PDS5A: variants seen among roughly 807,000 people sequenced by gnomAD.
The protein encoded by PDS5A is PDS5 cohesin associated factor A, also known as sister chromatid cohesion protein PDS5 homolog A.
A neutral mutation model predicts 167.1 loss-of-function variants in PDS5A; 42 were observed. The ratio of observed to expected loss-of-function variants is 0.25; its 90% CI spans 0.20 to 0.33. PDS5A has a LOEUF of 0.33. PDS5A is among the 10% of genes least tolerant of loss of function. The pLI is 1.00. For synonymous variants in PDS5A, 553 were observed against 554.6 expected (o/e 1.00, Z 0.04); for missense variants, 1,033 against 1,605.9 (o/e 0.64, Z 6.10).
chr4:39,961,621 AGAGCTCAAGT>A (rs1398931051), intron 2 of PDS5A, among the ~76,000 whole-genome samples: 1 of 152,096 alleles, frequency 6.6e-6, no homozygotes, highest in Non-Finnish European at 1.5e-5. Context: ...CTGGAACTAC[AGAGCTCAAGT>A]GATCCTCTTG....
intron 2 of PDS5A, among the ~76,000 whole-genome samples, chr4:39,972,738 C>T (rs892777945): frequency 2.0e-5 from 3 of 151,474 alleles, no homozygotes; most frequent in Non-Finnish European, 2.9e-5. Flanking sequence ...ATCCAAATTA[C>T]GCTTCCTTGC....
At chr4:39,885,943 A>G (rs1216565590) in intron 17 of PDS5A, among the ~76,000 whole-genome samples, 1 of 152,174 alleles carries the variant, frequency 6.6e-6, no homozygotes, top group Non-Finnish European at 1.5e-5. Context: ...TGACAGAGCA[A>G]GACCTTGTCT....
intron 8 of PDS5A, among the ~76,000 whole-genome samples, chr4:39,916,334 T>C (rs779339079): frequency 6.6e-6 from 1 of 152,166 alleles, no homozygotes; most frequent in Non-Finnish European, 1.5e-5. Flanking sequence ...AAAATAGATA[T>C]ACTATTTTTA....
chr4:39,929,982 G>A (rs1448587581), intron 2 of PDS5A, among the ~76,000 whole-genome samples: 7 of 150,552 alleles, frequency 4.6e-5, no homozygotes, highest in East Asian at 2.0e-4. Context: ...TTGGGAGGCC[G>A]AGGCGGGCAG....
chr4:39,940,411 A>C (rs1727114201), intron 2 of PDS5A, among the ~76,000 whole-genome samples: 1 of 152,102 alleles, frequency 6.6e-6, no homozygotes, highest in African/African-American at 2.4e-5. Flanking sequence ...TTATACGTAT[A>C]TTCACTTTGT....
intron 17 of PDS5A, among the ~76,000 whole-genome samples, chr4:39,882,533 A>G (rs1226581568): frequency 6.6e-6 from 1 of 152,240 alleles, no homozygotes; most frequent in Non-Finnish European, 1.5e-5. Context: ...TAACAAAATT[A>G]CAAGTGTGTT....
chr4:39,934,900 G>A (rs1197202457), intron 2 of PDS5A, among the ~76,000 whole-genome samples: 1 of 151,688 alleles, frequency 6.6e-6, no homozygotes, highest in Non-Finnish European at 1.5e-5. Context: ...TGTGTTTTCA[G>A]CTGTCATATA....
At chr4:39,912,585 G>C (rs1215059120) in intron 9 of PDS5A, among the ~76,000 whole-genome samples, 3 of 152,182 alleles carry the variant, frequency 2.0e-5, no homozygotes, top group African/African-American at 7.2e-5. Context: ...ATTAGTATGA[G>C]AACTATTATG....
chr4:39,850,600 G>A (rs1170429001), intron 26 of PDS5A, among the ~76,000 whole-genome samples: 2 of 152,208 alleles, frequency 1.3e-5, no homozygotes, highest in Admixed American at 6.5e-5. Context: ...CTATGCAGAA[G>A]TTCTACAATT....
chr4:39,942,291 C>G (rs969232529), intron 2 of PDS5A, among the ~76,000 whole-genome samples: 1 of 152,120 alleles, frequency 6.6e-6, no homozygotes, highest in African/African-American at 2.4e-5. Flanking sequence ...ATATCTTGAG[C>G]CTCTTTACAG....
At chr4:39,910,221 G>A (rs771177802) in intron 10 of PDS5A, 23 bp downstream of exon 10, 3 of 1,199,664 alleles carry the variant, frequency 2.5e-6, no homozygotes, top group Non-Finnish European at 2.5e-6. Flanking sequence ...ATGCTAATAT[G>A]TGTAATAAAC....
intron 26 of PDS5A, among the ~76,000 whole-genome samples, chr4:39,860,179 C>T (rs1718866371): frequency 2.0e-5 from 3 of 152,212 alleles, no homozygotes; most frequent in South Asian, 4.1e-4. Context: ...TTCAGTACAT[C>T]TTGGCCGGGC....
At chr4:39,934,879 T>C (rs1560497827) in intron 2 of PDS5A, among the ~76,000 whole-genome samples, 1 of 152,152 alleles carries the variant, frequency 6.6e-6, no homozygotes, top group Admixed American at 6.5e-5. Context: ...ATCTCTTTTC[T>C]TTTTTCCTTA....
intron 32 of PDS5A, among the ~76,000 whole-genome samples, chr4:39,834,802 T>C (rs1447520482): frequency 1.3e-5 from 2 of 152,260 alleles, no homozygotes; most frequent in East Asian, 1.9e-4. Context: ...TGTACAACCA[T>C]TACCACCATC....
At chr4:39,933,960 G>C (rs1220953152) in intron 2 of PDS5A, among the ~76,000 whole-genome samples, 1 of 152,202 alleles carries the variant, frequency 6.6e-6, no homozygotes, top group Non-Finnish European at 1.5e-5. Context: ...CAAGTATGGA[G>C]TGAGCTGTTG....
intron 32 of PDS5A, among the ~76,000 whole-genome samples, chr4:39,826,517 C>T (rs916002488): frequency 4.2e-5 from 3 of 70,826 alleles, no homozygotes; most frequent in African/African-American, 1.2e-4. Flanking sequence ...GATGGAGTCT[C>T]GCTCTGTTGC....
chr4:39,841,257 A>C (rs1014010502), intron 31 of PDS5A, among the ~76,000 whole-genome samples: 2 of 151,866 alleles, frequency 1.3e-5, no homozygotes, highest in Non-Finnish European at 2.9e-5. Context: ...CTCCTGCCTC[A>C]GCCTCCTGAG....
intron 32 of PDS5A, among the ~76,000 whole-genome samples, chr4:39,827,007 T>TA (rs1353930855): frequency 6.8e-6 from 1 of 146,424 alleles, no homozygotes; most frequent in East Asian, 2.0e-4. Flanking sequence ...TATTAAAGAA[T>TA]TTTTTTTTTT....
intron 12 of PDS5A, among the ~76,000 whole-genome samples, chr4:39,903,532 AAAC>A (rs1723051969): frequency 6.6e-6 from 1 of 152,260 alleles, no homozygotes; most frequent in African/African-American, 2.4e-5. Flanking sequence ...CAGAAAATGA[AAAC>A]AACTTAGTAA....
Sources: gnomAD v4.1 joint callset for allele counts (sites outside exome capture counted in the v4.1 genomes callset) on GRCh38, gnomAD v4.1.1 for gene constraint, MANE v1.5 for transcripts, NCBI Gene and HGNC (gene_info 2026-07-23, HGNC 2026-07-21) for gene names.